The following CPSF3 variants were observed in gnomAD, a reference collection of about 807,000 sequenced individuals.
The protein encoded by CPSF3 is cleavage and polyadenylation specificity factor subunit 3.
A neutral mutation model predicts 84.1 loss-of-function variants in CPSF3; 57 were observed. The observed-to-expected ratio is 0.68, with a 90% CI of 0.55 to 0.85. CPSF3 has a LOEUF of 0.85. Ranked by LOEUF, CPSF3 falls within the 40% of genes least tolerant of loss-of-function variation. CPSF3 has a pLI of 0.00. For missense variants in CPSF3, 522 were observed against 838.8 expected (o/e 0.62, Z 4.66); for synonymous variants, 275 against 278.1 (o/e 0.99, Z 0.11).
At chr2:9,467,851 C>A in intron 16 of CPSF3, 75 bp downstream of exon 16, 1 of 1,168,666 alleles carries the variant, frequency 8.6e-7, no homozygotes, top group South Asian at 1.2e-5. Flanking sequence ...GGCTCTGACT[C>A]CTTCAAGGAC....
chr2:9,434,108 C>T (rs1400048780), intron 6 of CPSF3, 148 bp downstream of exon 6: 7 of 540,020 alleles, frequency 1.3e-5, no homozygotes, highest in Non-Finnish European at 1.9e-5. Flanking sequence ...TGGCCGGGCA[C>T]GGTGGCTCAC....
At chr2:9,465,823 G>T (rs188020087) in intron 15 of CPSF3, among the ~76,000 whole-genome samples, 76 of 152,208 alleles carry the variant, frequency 5.0e-4, no homozygotes, top group African/African-American at 1.8e-3. Context: ...GTAAAGTGAA[G>T]TCTGTTATGA....
intron 6 of CPSF3, 139 bp downstream of exon 6, chr2:9,434,099 G>A: frequency 1.8e-6 from 1 of 556,008 alleles, no homozygotes; most frequent in South Asian, 2.5e-5. Context: ...GAAAACTGGT[G>A]GCCGGGCACG....
chr2:9,426,791 C>T (rs982805290), intron 1 of CPSF3, among the ~76,000 whole-genome samples: 1 of 150,692 alleles, frequency 6.6e-6, no homozygotes, highest in Non-Finnish European at 1.5e-5. Context: ...CCTATAGTTC[C>T]AGCTACTTGG....
chr2:9,469,512 G>A (rs1345985222), intron 16 of CPSF3, among the ~76,000 whole-genome samples: 5 of 152,170 alleles, frequency 3.3e-5, no homozygotes, highest in Non-Finnish European at 5.9e-5. Flanking sequence ...GTGCAGAATG[G>A]AAGTTCACAT....
intron 2 of CPSF3, among the ~76,000 whole-genome samples, chr2:9,429,596 A>G (rs1036767058): frequency 6.6e-6 from 1 of 152,186 alleles, no homozygotes; most frequent in African/African-American, 2.4e-5. Flanking sequence ...TAGTAAATCT[A>G]TAAACTTTTA....
At chr2:9,446,408 G>A (rs910619766) in intron 10 of CPSF3, among the ~76,000 whole-genome samples, 4 of 151,922 alleles carry the variant, frequency 2.6e-5, no homozygotes, top group South Asian at 2.1e-4. Context: ...GTGAAACCCC[G>A]TCTCTACTAA....
chr2:9,444,925 C>T (rs188766040), intron 10 of CPSF3, among the ~76,000 whole-genome samples: 3 of 152,276 alleles, frequency 2.0e-5, no homozygotes, highest in Non-Finnish European at 2.9e-5. Flanking sequence ...CTCGGCCTCC[C>T]AAAGTGCTAG....
At chr2:9,428,133 A>G (rs1200928186) in intron 1 of CPSF3, among the ~76,000 whole-genome samples, 2 of 151,364 alleles carry the variant, frequency 1.3e-5, no homozygotes, top group Non-Finnish European at 2.9e-5. Flanking sequence ...AGTAGCTGGG[A>G]CTACAGGTGT....
Position 9,425,140 on chromosome 2 carries a change from G to A in CPSF3, c.50+1317G>A, listed in dbSNP as rs141835008. Among the ~76,000 whole-genome samples the A allele has an allele frequency of 6.7e-3, 1,020 of 152,318 alleles. 12 individuals carry two copies. Among genetic ancestry groups the A allele is most frequent in the African/African-American group, 0.023 (963 of 41,562 alleles). The stretch of plus-strand genomic sequence containing the variant: ...ATGAGTAGGAGTTAAAGACTGGGGG[G>A]CCCAGGATGTTCTAGGCAGTGGAAG... On this transcript the variant is annotated intron_variant, in intron 1 of 17. Transcript: ENST00000238112.
chr2:9,436,140 C>T (rs1572773506), intron 6 of CPSF3, 71 bp from the exon 7 acceptor site: 4 of 1,321,686 alleles, frequency 3.0e-6, no homozygotes, highest in East Asian at 4.7e-5. Context: ...CTCAGTATTT[C>T]ATTGATGTTT....
At chr2:9,423,943 C>A in intron 1 of CPSF3, 120 bp downstream of exon 1, 2 of 1,484,744 alleles carry the variant, frequency 1.3e-6, no homozygotes, top group South Asian at 1.3e-5. Flanking sequence ...GCCTTTGGTC[C>A]GCGCTTGCGG....
intron 16 of CPSF3, among the ~76,000 whole-genome samples, chr2:9,469,767 G>A (rs766076982): frequency 2.7e-4 from 41 of 152,130 alleles, no homozygotes; most frequent in African/African-American, 8.9e-4. Context: ...AAAGCCAATC[G>A]TACCCTTAAA....
chr2:9,468,440 G>T (rs1315036451), intron 16 of CPSF3, among the ~76,000 whole-genome samples: 1 of 151,998 alleles, frequency 6.6e-6, no homozygotes, highest in African/African-American at 2.4e-5. Context: ...GCCCAGGCTG[G>T]TCTCAAATTC....
chr2:9,438,584 C>T (rs981896431), intron 7 of CPSF3, among the ~76,000 whole-genome samples: 10 of 149,482 alleles, frequency 6.7e-5, no homozygotes, highest in South Asian at 2.1e-4. Flanking sequence ...GGCGCGATCT[C>T]GGCTCACCAC....
intron 1 of CPSF3, among the ~76,000 whole-genome samples, chr2:9,427,815 G>C (rs139498410): frequency 4.3e-4 from 66 of 152,230 alleles, no homozygotes; most frequent in African/African-American, 1.5e-3. Context: ...AAGAAGGTGA[G>C]GGATTTGAAA....
At chr2:9,470,215 C>T (rs1348241107) in intron 16 of CPSF3, among the ~76,000 whole-genome samples, 1 of 152,106 alleles carries the variant, frequency 6.6e-6, no homozygotes, top group African/African-American at 2.4e-5. Flanking sequence ...AGCAAGACTC[C>T]GTCTCAAAAT....
At chr2:9,445,143 G>A (rs555746156) in intron 10 of CPSF3, among the ~76,000 whole-genome samples, 3 of 152,188 alleles carry the variant, frequency 2.0e-5, no homozygotes, top group Middle Eastern at 3.4e-3. Flanking sequence ...ACTCTGTACC[G>A]TTACACAGTA....
At chr2:9,452,790 A>C in intron 11 of CPSF3, 123 bp from the exon 12 acceptor site, 1 of 647,244 alleles carries the variant, frequency 1.5e-6, no homozygotes, top group Non-Finnish European at 2.7e-6. Context: ...TTCGTGGTTA[A>C]ATCCATATGT....
Sources: gnomAD v4.1 joint callset for allele counts (sites outside exome capture counted in the v4.1 genomes callset) on GRCh38, gnomAD v4.1.1 for gene constraint, MANE v1.5 for transcripts, NCBI Gene and HGNC (gene_info 2026-07-23, HGNC 2026-07-21) for gene names.